CNTFR: variants seen among roughly 807,000 people sequenced by gnomAD.
CNTFR encodes ciliary neurotrophic factor receptor.
In CNTFR, 12 loss-of-function variants were observed where a neutral mutation model predicts 40.4. The observed-to-expected ratio is 0.30, with a 90% CI of 0.19 to 0.48. The LOEUF (loss-of-function observed/expected upper bound fraction) is 0.48. Among genes scored for constraint, CNTFR ranks in the 20% least tolerant of loss-of-function variants. CNTFR has a pLI of 0.99. For missense variants in CNTFR, 414 were observed against 506.8 expected, an observed-to-expected ratio of 0.82 and a Z score of 1.76; for synonymous variants, 202 against 209.6, an observed-to-expected ratio of 0.96 and a Z score of 0.31.
chr9:34,582,583 A>G (rs1827359070), intron 1 of CNTFR: 1 of 152,206 alleles, frequency 6.6e-6, no homozygotes, highest in Non-Finnish European at 1.5e-5. Context: ...AACACATACC[A>G]TGAGAAAGGG....
In CNTFR at chr9:34,588,240, C is replaced by G. The variant is rs116774957; in HGVS notation, c.-112+1315G>C. ...GACAGAGAGGCATAGTTTGAGACAC[C>G]TAGGCCCTTCTAGCCCCCAAGTCAT... On this transcript the variant is annotated intron_variant, in intron 1 of 9. Transcript: ENST00000378980. Among the ~76,000 whole-genome samples the G allele has an allele frequency of 3.2e-3, 490 of 152,268 alleles. 2 individuals are homozygous for G. The highest frequency in any genetic ancestry group is 0.011 in the African/African-American group (463 of 41,536).
At chr9:34,576,713 A>G (rs1171959782) in intron 2 of CNTFR, among the ~76,000 whole-genome samples, 2 of 152,194 alleles carry the variant, frequency 1.3e-5, no homozygotes, top group Non-Finnish European at 2.9e-5. Context: ...CCTGGGGGAG[A>G]CAGATGGTGG....
At chr9:34,578,910 G>A (rs138949498) in intron 2 of CNTFR, among the ~76,000 whole-genome samples, 1 of 152,334 alleles carries the variant, frequency 6.6e-6, no homozygotes, top group African/African-American at 2.4e-5. Flanking sequence ...CATTTGGGAT[G>A]AGGACCCCAG....
chr9:34,582,555 G>T (rs1471442312), intron 1 of CNTFR: 2 of 152,190 alleles, frequency 1.3e-5, no homozygotes, highest in East Asian at 3.8e-4. Context: ...ATCTGCCAAA[G>T]GTATGATTAG....
At position 34,564,758 on chromosome 9, in the gene CNTFR, C is replaced by A; in HGVS notation, c.160G>T (p.Ala54Ser). 1 of 1,614,174 alleles carries A rather than the reference C, an allele frequency of 6.2e-7. No homozygotes were observed. The highest frequency in any genetic ancestry group is 1.7e-5 in the Admixed American group (1 of 60,024). ...GTCCCATTTACCCGCCACGTCACCGCAGCATCCCAGTTTGCTGTCCCACAT... is the reference window on the plus strand; with the variant it reads ...GTCCCATTTACCCGCCACGTCACCGAAGCATCCCAGTTTGCTGTCCCACAT... ...LPCGTANWDA[A>S]VTWRVNGTDL... Residue 54 changes from alanine to serine, a missense_variant, in exon 4 of 10, where the codon GCG (alanine) becomes TCG (serine). Ala to Ser is a moderately conservative substitution (Grantham distance 99). Transcript: ENST00000378980.
chr9:34,581,811 T>C (rs1198042371), intron 1 of CNTFR, among the ~76,000 whole-genome samples: 2 of 152,192 alleles, frequency 1.3e-5, no homozygotes, highest in Non-Finnish European at 2.9e-5. Context: ...TGAGTCCGTA[T>C]CTAGTTCCAA....
intron 3 of CNTFR, among the ~76,000 whole-genome samples, chr9:34,567,559 G>A (rs1457131732): frequency 1.3e-5 from 2 of 152,026 alleles, no homozygotes; most frequent in South Asian, 2.1e-4. Context: ...ACATGTACAC[G>A]TACAAGAAGG....
At chr9:34,564,099 C>T (rs1337818877) in intron 4 of CNTFR, among the ~76,000 whole-genome samples, 1 of 152,188 alleles carries the variant, frequency 6.6e-6, no homozygotes, top group Non-Finnish European at 1.5e-5. Flanking sequence ...TCACCGTTCG[C>T]TTCCCAAGTC....
chr9:34,581,840 A>G (rs1398652731), intron 1 of CNTFR, among the ~76,000 whole-genome samples: 2 of 152,076 alleles, frequency 1.3e-5, no homozygotes, highest in African/African-American at 2.4e-5. Flanking sequence ...TGCTATACCA[A>G]TTTGCCTGTG....
At chr9:34,569,061 G>GTCTT in intron 2 of CNTFR, 80 bp from the exon 3 acceptor site, 1 of 1,340,442 alleles carries the variant, frequency 7.5e-7, no homozygotes, top group Non-Finnish European at 1.0e-6. Flanking sequence ...CCTGTTCTCA[G>GTCTT]GCAAGACTGG....
chr9:34,570,673 C>T (rs1213888216), intron 2 of CNTFR, among the ~76,000 whole-genome samples: 2 of 152,178 alleles, frequency 1.3e-5, no homozygotes, highest in Admixed American at 1.3e-4. Flanking sequence ...CTGCCAGAGA[C>T]ACCGTTATAA....
At chr9:34,564,513 CT>C in intron 4 of CNTFR, 85 bp downstream of exon 4, 1 of 1,258,368 alleles carries the variant, frequency 7.9e-7, no homozygotes, top group Non-Finnish European at 1.1e-6. Flanking sequence ...CCATGTCCCC[CT>C]AACAGGAAGG....
intron 2 of CNTFR, among the ~76,000 whole-genome samples, chr9:34,577,856 T>C (rs1827062845): frequency 6.6e-6 from 1 of 151,678 alleles, no homozygotes; most frequent in Non-Finnish European, 1.5e-5. Flanking sequence ...GAGAGACAGC[T>C]TGGCAGGGGG....
chr9:34,561,925 G>C (rs759763708), intron 4 of CNTFR, among the ~76,000 whole-genome samples: 8 of 152,220 alleles, frequency 5.3e-5, no homozygotes, highest in Non-Finnish European at 1.2e-4. Flanking sequence ...CCTTCATCTG[G>C]CAGCAGGGCC....
At chr9:34,555,029 G>A (rs1158495012) in intron 7 of CNTFR, among the ~76,000 whole-genome samples, 2 of 152,240 alleles carry the variant, frequency 1.3e-5, no homozygotes, top group Non-Finnish European at 2.9e-5. Flanking sequence ...TACGGTTCCC[G>A]CTGGGAGCCG....
chr9:34,585,545 T>G (rs913074118), intron 1 of CNTFR, among the ~76,000 whole-genome samples: 3 of 152,210 alleles, frequency 2.0e-5, no homozygotes, highest in Admixed American at 6.5e-5. Context: ...TTCCACCCCT[T>G]GGCCCCCAGA....
chr9:34,557,105 G>C lies in CNTFR; in HGVS notation c.604+421C>G, dbSNP rs946754714. On this transcript the variant is annotated intron_variant, in intron 6 of 9. Coordinates refer to ENST00000378980, the MANE Select transcript of CNTFR (RefSeq NM_147164.3). The surrounding 1 kb of genome is among the most constrained non-coding windows in gnomAD (Gnocchi z 4.2). Reference sequence around the variant, plus strand: ...GTAGAGGGTCTGGCTGGGATGGGGGGGGTCAGGGGGAGGGCAGTATCTGTC... The same window carrying C: ...GTAGAGGGTCTGGCTGGGATGGGGGCGGTCAGGGGGAGGGCAGTATCTGTC... Among the ~76,000 whole-genome samples, 1 of 151,416 alleles carries C rather than the reference G, an allele frequency of 6.6e-6. No individual in the cohort carries two copies. Among genetic ancestry groups the C allele is most frequent in the Admixed American group, 6.6e-5 (1 of 15,178 alleles).
intron 2 of CNTFR, among the ~76,000 whole-genome samples, chr9:34,574,060 C>A (rs555967192): frequency 2.6e-5 from 4 of 152,142 alleles, no homozygotes; most frequent in Non-Finnish European, 4.4e-5. Flanking sequence ...GCCCCCAGAT[C>A]CCACCAGGCC....
intron 4 of CNTFR, 50 bp downstream of exon 4, chr9:34,564,549 G>C (rs909369989): frequency 1.3e-6 from 2 of 1,498,868 alleles, no homozygotes; most frequent in Non-Finnish European, 1.8e-6. Flanking sequence ...CTAGGAGTCT[G>C]GGTCTCAAGG....
Sources: gnomAD v4.1 joint callset for allele counts (sites outside exome capture counted in the v4.1 genomes callset) on GRCh38, gnomAD v4.1.1 for gene constraint, Gnocchi (gnomAD v3.1) non-coding constraint, MANE v1.5 for transcripts, NCBI Gene and HGNC (gene_info 2026-07-23, HGNC 2026-07-21) for gene names.